KIRREL3: variants seen among roughly 807,000 people sequenced by gnomAD.
KIRREL3 encodes the protein kin of IRRE-like protein 3.
A neutral mutation model predicts 89.7 loss-of-function variants in KIRREL3; 36 were observed. The observed-to-expected ratio is 0.40, with a 90% CI of 0.31 to 0.53. The LOEUF (loss-of-function observed/expected upper bound fraction) is 0.53, where lower values mean the gene tolerates loss of function less well. KIRREL3 is among the 20% of genes least tolerant of loss of function. KIRREL3 has a pLI of 0.49. For synonymous variants in KIRREL3, 445 were observed against 441.4 expected (o/e 1.01, Z -0.10); for missense variants, 864 against 1,056.6 (o/e 0.82, Z 2.53).
intron 1 of KIRREL3, among the ~76,000 whole-genome samples, chr11:126,759,253 C>T (rs556710594): frequency 2.0e-5 from 3 of 152,224 alleles, no homozygotes; most frequent in South Asian, 4.2e-4. Flanking sequence ...CCTCAGCCTC[C>T]GGAGTAGCTG....
At position 126,917,051 on chromosome 11, in the gene KIRREL3, C is replaced by A. The variant is rs1002547944; in HGVS notation, c.55+83404G>T. Among the ~76,000 whole-genome samples the A allele has an allele frequency of 3.3e-5, 5 of 152,146 alleles. No homozygotes were observed. The highest frequency in any genetic ancestry group is 7.4e-5 in the Non-Finnish European group (5 of 68,022). ...CATAATAACCAAAAAGTAGAAGTCA[C>A]CCACGTGTCTAACAGATGAATGCAA... On this transcript the variant is annotated intron_variant, in intron 1 of 16. Coordinates refer to ENST00000525144, the MANE Select transcript of KIRREL3 (RefSeq NM_032531.4). The surrounding 1 kb of genome is among the most constrained non-coding windows in gnomAD (Gnocchi z 5.0).
At position 126,520,811 on chromosome 11, in the gene KIRREL3, G is replaced by A. The variant is rs1958561430; in HGVS notation, c.433+504C>T. Among the ~76,000 whole-genome samples, 1 of 152,160 alleles carries A rather than the reference G, an allele frequency of 6.6e-6. No homozygotes were observed. Among genetic ancestry groups the A allele is most frequent in the South Asian group, 2.1e-4 (1 of 4,822 alleles). On this transcript the variant is annotated intron_variant, in intron 4 of 16. Transcript: ENST00000525144. This position sits in a 1 kb window ranked among gnomAD's most constrained non-coding sequence, Gnocchi z 4.9. ...GCCAGGATTCCCAGGGAGCAATGAGGGGTGGAGAAGTCACGGGGGTCACTG... is the reference window on the plus strand; with the variant it reads ...GCCAGGATTCCCAGGGAGCAATGAGAGGTGGAGAAGTCACGGGGGTCACTG...
chr11:126,572,861 G>C (rs1232660755), intron 1 of KIRREL3, among the ~76,000 whole-genome samples: 1 of 152,180 alleles, frequency 6.6e-6, no homozygotes, highest in East Asian at 1.9e-4. Context: ...ACTGAAGAGG[G>C]TCCTAGCAGG....
chr11:126,818,058 T>TG (rs1951637932), intron 1 of KIRREL3, among the ~76,000 whole-genome samples: 1 of 152,210 alleles, frequency 6.6e-6, no homozygotes, highest in Non-Finnish European at 1.5e-5. Context: ...GTTTCGAGGA[T>TG]GCCTCGACTT....
intron 1 of KIRREL3, among the ~76,000 whole-genome samples, chr11:126,979,905 G>C (rs1474367165): frequency 6.6e-6 from 1 of 152,152 alleles, no homozygotes; most frequent in Non-Finnish European, 1.5e-5. Context: ...TTAAACATTT[G>C]TTGAGCACTG....
In KIRREL3 at chr11:126,587,728, C is replaced by T. The variant is rs1290832433; in HGVS notation, c.56-24816G>A. 3.3e-5 allele frequency among the ~76,000 whole-genome samples: 5 copies of T among 152,136 alleles called. No homozygotes were observed. The highest frequency in any genetic ancestry group is 4.8e-5 in the African/African-American group (2 of 41,420). On this transcript the variant is annotated intron_variant, in intron 1 of 16. Coordinates refer to ENST00000525144, the MANE Select transcript of KIRREL3 (RefSeq NM_032531.4). The surrounding 1 kb of genome is among the most constrained non-coding windows in gnomAD (Gnocchi z 5.2). ...CTTTTACTTTTCACTAAATTGAAAC[C>T]GCAGTACAATATATGTGAATGATTA... is the stretch of plus-strand genomic sequence containing the variant.
chr11:126,456,147 G>A (rs920932209), intron 7 of KIRREL3, among the ~76,000 whole-genome samples: 4 of 148,720 alleles, frequency 2.7e-5, no homozygotes, highest in Admixed American at 6.7e-5. Context: ...GGAAGAGGGC[G>A]CGTGCACGCA....
chr11:126,973,451 T>C (rs1949488857), intron 1 of KIRREL3, among the ~76,000 whole-genome samples: 1 of 152,006 alleles, frequency 6.6e-6, no homozygotes, highest in Non-Finnish European at 1.5e-5. Flanking sequence ...TGATGAAGAG[T>C]TCTGGCTGCT....
intron 4 of KIRREL3, among the ~76,000 whole-genome samples, chr11:126,499,912 A>G (rs1957799163): frequency 6.6e-6 from 1 of 152,196 alleles, no homozygotes; most frequent in African/African-American, 2.4e-5. Context: ...CTCCTTTGGC[A>G]GTAAACTCCT....
rs1158617073 is a variant in KIRREL3, at chr11:126,601,846, A to G, written c.56-38934T>C. ...GCCATCTCCCGTTTTTAAGGACTGG[A>G]CTAAAGGTGGAGGTCTTGGCCTGAG... On this transcript the variant is annotated intron_variant, in intron 1 of 16. Transcript: ENST00000525144. This position sits in a 1 kb window ranked among gnomAD's most constrained non-coding sequence, Gnocchi z 5.8. Among the ~76,000 whole-genome samples the G allele has an allele frequency of 1.3e-5, 2 of 152,184 alleles. No homozygotes were observed. The highest frequency in any genetic ancestry group is 2.9e-5 in the Non-Finnish European group (2 of 68,036).
rs1949619936 is a variant in KIRREL3 at position 126,977,719 on chromosome 11, T to G, written c.55+22736A>C. On this transcript the variant is annotated intron_variant, in intron 1 of 16. Transcript: ENST00000525144. This position sits in a 1 kb window ranked among gnomAD's most constrained non-coding sequence, Gnocchi z 4.7. ...CAGAGTGACAGAGTCCCTTATTGAT[T>G]TTTCCCCAACCTTCTGAATGATCAA... 6.6e-6 allele frequency among the ~76,000 whole-genome samples: 1 copy of G among 152,180 alleles called. No individual in the cohort carries two copies. The highest frequency in any genetic ancestry group is 1.5e-5 in the Non-Finnish European group (1 of 68,038).
intron 1 of KIRREL3, among the ~76,000 whole-genome samples, chr11:126,688,582 A>G (rs1946754085): frequency 1.3e-5 from 2 of 152,208 alleles, no homozygotes; most frequent in Non-Finnish European, 2.9e-5. Context: ...TCTGCAGAGA[A>G]TGATTGGCAC....
intron 1 of KIRREL3, among the ~76,000 whole-genome samples, chr11:126,951,954 T>C (rs1948784206): frequency 6.6e-6 from 1 of 152,208 alleles, no homozygotes; most frequent in South Asian, 2.1e-4. Context: ...GAATGGAAAT[T>C]ATGCTTTAAA....
Position 126,943,180 on chromosome 11 carries a change from T to G in KIRREL3, c.55+57275A>C, listed in dbSNP as rs1178534798. On this transcript the variant is annotated intron_variant, in intron 1 of 16. Transcript: ENST00000525144. The surrounding 1 kb of genome is among the most constrained non-coding windows in gnomAD (Gnocchi z 4.2). ...CTCCTGCTCCACTGGGGCCTTCTCT[T>G]TGGGGTCTCAGGATTGGCTTTTGAG... is the stretch of plus-strand genomic sequence containing the variant. Among the ~76,000 whole-genome samples the G allele has an allele frequency of 6.6e-6, 1 of 152,178 alleles. No homozygotes were observed. The highest frequency in any genetic ancestry group is 1.9e-4 in the East Asian group (1 of 5,196).
Position 126,600,452 on chromosome 11 carries a change from G to T in KIRREL3, c.56-37540C>A, listed in dbSNP as rs538895990. On this transcript the variant is annotated intron_variant, in intron 1 of 16. Transcript: ENST00000525144. ...AATACAGCAAGAAATAACTAATCTA[G>T]GTCCTTATTAGCTAAGAAGAAATGT... Among the ~76,000 whole-genome samples, 105 of 152,298 alleles carry T rather than the reference G, an allele frequency of 6.9e-4. 2 individuals are homozygous for T. The highest frequency in any genetic ancestry group is 2.1e-3 in the African/African-American group (87 of 41,568).
rs879599469 is a variant in KIRREL3, at chr11:126,605,079, G to A, written c.56-42167C>T. Among the ~76,000 whole-genome samples, 11 of 152,218 alleles carry A rather than the reference G, an allele frequency of 7.2e-5. No individual in the cohort carries two copies. Among genetic ancestry groups the A allele is most frequent in the Non-Finnish European group, 1.0e-4 (7 of 68,038 alleles). ...TCACAGACAATGCATCGAGCCTGGT[G>A]AGGGTGTGGCCTTTCTTGGCCCTGC... On this transcript the variant is annotated intron_variant, in intron 1 of 16. Transcript: ENST00000525144. The surrounding 1 kb of genome is among the most constrained non-coding windows in gnomAD (Gnocchi z 5.7).
chr11:126,924,700 A>G lies in KIRREL3; in HGVS notation c.55+75755T>C, dbSNP rs1274282766. 1.3e-5 allele frequency among the ~76,000 whole-genome samples: 2 copies of G among 152,148 alleles called. No individual in the cohort carries two copies. The highest frequency in any genetic ancestry group is 4.8e-5 in the African/African-American group (2 of 41,446). On this transcript the variant is annotated intron_variant, in intron 1 of 16. Transcript: ENST00000525144. This position sits in a 1 kb window ranked among gnomAD's most constrained non-coding sequence, Gnocchi z 4.7. ...TTAAAACCCCTGCCTTTCCAAGCAA[A>G]TATGGCTGCTCCTGAGCTCACCCTG...
rs921713042 is a variant in KIRREL3, at chr11:126,628,379, T to G, written c.56-65467A>C. On this transcript the variant is annotated intron_variant, in intron 1 of 16. Coordinates refer to ENST00000525144, the MANE Select transcript of KIRREL3 (RefSeq NM_032531.4). This position sits in a 1 kb window ranked among gnomAD's most constrained non-coding sequence, Gnocchi z 5.2. ...AGGCTGTGGAGGCAGGGAGCTGACTTCACAGTGACTGAGGAGACATACCTT... is the reference window on the plus strand; with the variant it reads ...AGGCTGTGGAGGCAGGGAGCTGACTGCACAGTGACTGAGGAGACATACCTT... Among the ~76,000 whole-genome samples the G allele has an allele frequency of 1.3e-5, 2 of 152,156 alleles. No individual in the cohort carries two copies. The highest frequency in any genetic ancestry group is 4.8e-5 in the African/African-American group (2 of 41,430).
chr11:126,682,796 T>C lies in KIRREL3; in HGVS notation c.56-119884A>G, dbSNP rs188319060. On this transcript the variant is annotated intron_variant, in intron 1 of 16. Coordinates refer to ENST00000525144, the MANE Select transcript of KIRREL3 (RefSeq NM_032531.4). The surrounding 1 kb of genome is among the most constrained non-coding windows in gnomAD (Gnocchi z 4.8). ...AGGAGGCAGAGTTCGGGCGGCAATG[T>C]TCACTCACCTGCCGCTCACCTCCTG... Among the ~76,000 whole-genome samples the C allele has an allele frequency of 1.2e-3, 189 of 152,312 alleles. 4 individuals are homozygous for C. In the South Asian group the frequency reaches 0.027, roughly 22 times the overall value.
Sources: gnomAD v4.1 joint callset for allele counts (sites outside exome capture counted in the v4.1 genomes callset) on GRCh38, gnomAD v4.1.1 for gene constraint, Gnocchi (gnomAD v3.1) non-coding constraint, MANE v1.5 for transcripts, NCBI Gene and HGNC (gene_info 2026-07-23, HGNC 2026-07-21) for gene names.